TIMP2: variants seen among roughly 807,000 people sequenced by gnomAD.
TIMP2 encodes the protein metalloproteinase inhibitor 2.
In TIMP2, 5 loss-of-function variants were observed where a neutral mutation model predicts 24.3. That is an observed-to-expected ratio of 0.21 (90% CI 0.11 to 0.43). TIMP2 has a LOEUF of 0.43. Among genes scored for constraint, TIMP2 ranks in the 20% least tolerant of loss-of-function variants. The pLI is 1.00. For missense variants in TIMP2, 221 were observed against 297.5 expected, an observed-to-expected ratio of 0.74 and a Z score of 1.89; for synonymous variants, 130 against 123.2, an observed-to-expected ratio of 1.06 and a Z score of -0.37.
intron 1 of TIMP2, among the ~76,000 whole-genome samples, chr17:78,911,517 G>A (rs1020467838): frequency 3.3e-5 from 5 of 151,976 alleles, no homozygotes; most frequent in African/African-American, 4.8e-5. Context: ...TGCAACCTCC[G>A]CCTGGGTTCA....
chr17:78,909,827 C>CGGGCACTGTGACCCAGGCA (rs1233103773), intron 1 of TIMP2, among the ~76,000 whole-genome samples: 1 of 152,012 alleles, frequency 6.6e-6, no homozygotes, highest in African/African-American at 2.4e-5. Context: ...GGACCCAGGC[C>CGGGCACTGTGACCCAGGCA]GGGCACTGTG....
chr17:78,871,467 A>AG (rs1227742842), intron 2 of TIMP2, among the ~76,000 whole-genome samples: 2 of 10,048 alleles, frequency 2.0e-4, no homozygotes, highest in Admixed American at 1.7e-3. Flanking sequence ...AAAAAAAAAA[A>AG]AAAGAAAAGA....
At position 78,892,666 on chromosome 17, in the gene TIMP2, C is replaced by T. The variant is rs114433910; in HGVS notation, c.131-18747G>A. On this transcript the variant is annotated intron_variant, in intron 1 of 4. Transcript: ENST00000262768. Reference sequence around the variant, plus strand: ...CTTTTGACAAGAGCCTGTAGGGCAGCTGTTTTGAACAGAGTGTGGTGTTGT... The same window carrying T: ...CTTTTGACAAGAGCCTGTAGGGCAGTTGTTTTGAACAGAGTGTGGTGTTGT... 4,582 of 689,838 alleles carry T rather than the reference C, an allele frequency of 6.6e-3. 82 individuals carry two copies. Among genetic ancestry groups the T allele is most frequent in the East Asian group, 0.046 (1,638 of 35,612 alleles). The allele number at this position is 689,838 out of a possible 1,614,324, so 42.7% of individuals were successfully genotyped here. A position where few individuals can be genotyped will look rare whatever the true frequency, so the allele number is the denominator to read the frequency against.
Position 78,891,764 on chromosome 17 carries a change from C to G in TIMP2, c.131-17845G>C. The G allele has an allele frequency of 6.4e-7, 1 of 1,551,196 alleles. No individual in the cohort carries two copies. On this transcript the variant is annotated intron_variant, in intron 1 of 4. Coordinates refer to ENST00000262768, the MANE Select transcript of TIMP2 (RefSeq NM_003255.5). The surrounding 1 kb of genome is among the most constrained non-coding windows in gnomAD (Gnocchi z 4.5). ...TGGGTTTGACCTTTCTAGGTCCGCC[C>G]CTTTGCTCCTCCGAGGATGGATGGC... is the stretch of plus-strand genomic sequence containing the variant.
Position 78,924,950 on chromosome 17 carries a change from G to T in TIMP2, c.130+9C>A. 1 of 1,259,708 alleles carries T rather than the reference G, an allele frequency of 7.9e-7. No individual in the cohort carries two copies. 78.0% of individuals were successfully genotyped at this position (1,259,708 alleles called of 1,614,324 possible). The stretch of plus-strand genomic sequence containing the variant: ...GCCCCGCGCGGGGGCTGGGGTCGCC[G>T]CTCCTTACCTACATCTGCATTGCAA... On this transcript the variant is annotated intron_variant, in intron 1 of 4. Transcript: ENST00000262768. The surrounding 1 kb of genome is among the most constrained non-coding windows in gnomAD (Gnocchi z 5.3).
At chr17:78,859,563 TGAGGCA>T (rs1466506105) in intron 3 of TIMP2, among the ~76,000 whole-genome samples, 1 of 152,034 alleles carries the variant, frequency 6.6e-6, no homozygotes, top group East Asian at 1.9e-4. Context: ...CTCAGGAGAC[TGAGGCA>T]GGAGGATCGC....
In TIMP2 at chr17:78,854,953, C is replaced by T. The variant is rs2145742682; in HGVS notation, c.*714G>A. The T allele has an allele frequency of 6.9e-6, 1 of 145,544 alleles. No individual in the cohort carries two copies. Among genetic ancestry groups the T allele is most frequent in the South Asian group, 2.2e-4 (1 of 4,558 alleles). The allele number at this position is 145,544 out of a possible 1,614,324, so 9.0% of individuals were successfully genotyped here. On this transcript the variant is annotated 3_prime_UTR_variant, in exon 5 of 5. Transcript: ENST00000262768. ...GGGGGGGTGGGGGGGTGGGTGCAGA[C>T]CAAAAAGACTCAGCTGAGGCTGGAA...
Position 78,891,557 on chromosome 17 carries a change from G to A in TIMP2, c.131-17638C>T, listed in dbSNP as rs2069895081. On this transcript the variant is annotated intron_variant, in intron 1 of 4. Transcript: ENST00000262768. The surrounding 1 kb of genome is among the most constrained non-coding windows in gnomAD (Gnocchi z 4.5). ...GGACACGGCTTCCCTTCTGCAGCTG[G>A]AATCAGCTGGCCACAGCTGCCCGAG... The A allele has an allele frequency of 1.3e-6, 2 of 1,550,890 alleles. No individual in the cohort carries two copies. Among genetic ancestry groups the A allele is most frequent in the Non-Finnish European group, 1.7e-6 (2 of 1,147,070 alleles).
chr17:78,861,040 A>AG (rs1367599957), intron 3 of TIMP2, among the ~76,000 whole-genome samples: 1 of 151,488 alleles, frequency 6.6e-6, no homozygotes, highest in Non-Finnish European at 1.5e-5. Context: ...CGTCTCAAAA[A>AG]AAAAAAAAAT....
intron 1 of TIMP2, chr17:78,890,780 G>T (rs553520865): frequency 6.4e-7 from 1 of 1,550,496 alleles, no homozygotes; most frequent in Non-Finnish European, 8.7e-7. Flanking sequence ...GCTGGTGCCC[G>T]ATGGGGAAGT....
intron 1 of TIMP2, among the ~76,000 whole-genome samples, chr17:78,912,429 C>T (rs1436967640): frequency 6.6e-6 from 1 of 152,158 alleles, no homozygotes; most frequent in African/African-American, 2.4e-5. Context: ...AACTCTCAAC[C>T]CAAGCCAGAT....
At position 78,924,641 on chromosome 17, in the gene TIMP2, C is replaced by T. The variant is rs1296585306; in HGVS notation, c.130+318G>A. 2.0e-5 allele frequency among the ~76,000 whole-genome samples: 3 copies of T among 152,242 alleles called. No individual in the cohort carries two copies. Among genetic ancestry groups the T allele is most frequent in the East Asian group, 3.9e-4 (2 of 5,168 alleles). ...TGTCCCCCACGCTCCCCGCCCCCAGCGCTGGCATCCCAGGGCGCGCCGCCT... is the reference window on the plus strand; with the variant it reads ...TGTCCCCCACGCTCCCCGCCCCCAGTGCTGGCATCCCAGGGCGCGCCGCCT... On this transcript the variant is annotated intron_variant, in intron 1 of 4. Coordinates refer to ENST00000262768, the MANE Select transcript of TIMP2 (RefSeq NM_003255.5). The surrounding 1 kb of genome is among the most constrained non-coding windows in gnomAD (Gnocchi z 5.3).
intron 1 of TIMP2, among the ~76,000 whole-genome samples, chr17:78,878,683 A>G (rs569508601): frequency 6.6e-6 from 1 of 152,132 alleles, no homozygotes; most frequent in African/African-American, 2.4e-5. Context: ...TAGGACTAGA[A>G]AGTGAACTGG....
chr17:78,887,702 A>G (rs759909706), intron 1 of TIMP2, among the ~76,000 whole-genome samples: 3 of 151,542 alleles, frequency 2.0e-5, no homozygotes, highest in Non-Finnish European at 4.4e-5. Context: ...TGTAAATTAA[A>G]TATTTTATAA....
chr17:78,916,472 C>T lies in TIMP2; in HGVS notation c.130+8487G>A, dbSNP rs368436221. Among the ~76,000 whole-genome samples, 14 of 152,310 alleles carry T rather than the reference C, an allele frequency of 9.2e-5. 2 individuals carry two copies. Among genetic ancestry groups the T allele is most frequent in the East Asian group, 1.9e-4 (1 of 5,174 alleles). On this transcript the variant is annotated intron_variant, in intron 1 of 4. Transcript: ENST00000262768. ...GCAGAACTCAACAGAGACCTCTACC[C>T]GCCTGAGCTCCTGACCAGGTTAGAG...
intron 3 of TIMP2, among the ~76,000 whole-genome samples, chr17:78,857,938 C>G (rs1417098785): frequency 6.6e-6 from 1 of 152,034 alleles, no homozygotes. Flanking sequence ...GGTGTGGTGT[C>G]ACACGCCTGT....
At chr17:78,885,112 T>TCACGGACCAACAGGGCGACC (rs1567997596) in intron 1 of TIMP2, among the ~76,000 whole-genome samples, 1 of 152,188 alleles carries the variant, frequency 6.6e-6, no homozygotes, top group East Asian at 1.9e-4. Context: ...CGTCCAAGCC[T>TCACGGACCAACAGGGCGACC]CACGGACCAA....
chr17:78,890,945 A>T (rs1462829749), intron 1 of TIMP2: 1 of 1,550,858 alleles, frequency 6.4e-7, no homozygotes, highest in African/African-American at 1.4e-5. Flanking sequence ...CATTTGTTCA[A>T]GCGATTCCAG....
intron 1 of TIMP2, among the ~76,000 whole-genome samples, chr17:78,918,050 A>T (rs1026469073): frequency 1.3e-5 from 2 of 149,690 alleles, no homozygotes; most frequent in Admixed American, 6.6e-5. Context: ...AAAAACACGT[A>T]CGCGTGCACA....
Sources: allele counts gnomAD v4.1 joint callset (sites outside exome capture counted in the v4.1 genomes callset), GRCh38; gene constraint gnomAD v4.1.1; non-coding constraint Gnocchi (gnomAD v3.1); transcripts MANE v1.5; gene names NCBI Gene and HGNC (gene_info 2026-07-23, HGNC 2026-07-21).